The following GARRE1 variants were observed in gnomAD, a reference collection of about 807,000 sequenced individuals.
The protein encoded by GARRE1 is granule associated Rac and RHOG effector protein 1.
Under a neutral mutation model 103.2 loss-of-function variants are expected in GARRE1, and 49 were observed. That is an observed-to-expected ratio of 0.47 (90% CI 0.38 to 0.60). The LOEUF (loss-of-function observed/expected upper bound fraction) is 0.60, where lower values mean the gene tolerates loss of function less well. GARRE1 is among the 20% of genes least tolerant of loss of function. The probability of loss-of-function intolerance (pLI) is 0.00; values close to 1 mark genes in which losing one functional copy is unlikely to be tolerated. For synonymous variants in GARRE1, 505 were observed against 532.8 expected, an observed-to-expected ratio of 0.95 and a Z score of 0.72; for missense variants, 1,199 against 1,370.5, an observed-to-expected ratio of 0.87 and a Z score of 1.98.
rs188301432 is a variant in GARRE1 at position 34,313,962 on chromosome 19, G to A, written c.496-5945G>A. 9.9e-5 allele frequency among the ~76,000 whole-genome samples: 15 copies of A among 152,040 alleles called. No homozygotes were observed. In the East Asian group the frequency reaches 1.2e-3, roughly 12 times the overall value. On this transcript the variant is annotated intron_variant, in intron 2 of 13. Coordinates refer to ENST00000299505, the MANE Select transcript of GARRE1 (RefSeq NM_014686.5). ...ATCACAGGCATGCACCACCACGCCC[G>A]GCTGATTTTTGTATTTTTTGTAGAG...
Position 34,278,361 on chromosome 19 carries a change from T to A in GARRE1, c.-795-21318T>A, listed in dbSNP as rs2073830060. On this transcript the variant is annotated intron_variant, in intron 1 of 13. Coordinates refer to ENST00000299505, the MANE Select transcript of GARRE1 (RefSeq NM_014686.5). ...TGGGAGGCTGAGGCACGAGAATTGC[T>A]TGAACCCAGGAGGCAGAGGTTACAG... 2.0e-5 allele frequency among the ~76,000 whole-genome samples: 3 copies of A among 149,294 alleles called. No homozygotes were observed. In the South Asian group the frequency reaches 6.3e-4, roughly 31 times the overall value.
At chr19:34,273,791 AGT>A (rs1179275061) in intron 1 of GARRE1, among the ~76,000 whole-genome samples, 1 of 152,202 alleles carries the variant, frequency 6.6e-6, no homozygotes, top group African/African-American at 2.4e-5. Context: ...GAGGAATGAG[AGT>A]GAGCCAAGAG....
chr19:34,327,977 A>C lies in GARRE1; in HGVS notation c.943-13A>C. On this transcript the variant is annotated splice_polypyrimidine_tract_variant and intron_variant, in intron 5 of 13. Transcript: ENST00000299505. ...ATGGGTCACCTCTCCTCTTCCATCC[A>C]TGCCTTTTCCAGGGCTGCTGCAGCG... The C allele has an allele frequency of 6.2e-7, 1 of 1,614,126 alleles. No homozygotes were observed. Among genetic ancestry groups the C allele is most frequent in the Non-Finnish European group, 8.5e-7 (1 of 1,180,018 alleles).
intron 11 of GARRE1, chr19:34,348,717 T>G (rs540898414): frequency 2.3e-4 from 78 of 337,084 alleles, no homozygotes; most frequent in Non-Finnish European, 3.5e-4. Context: ...TCCCGTCACC[T>G]AGGTATTAAG....
intron 1 of GARRE1, among the ~76,000 whole-genome samples, chr19:34,271,305 G>A (rs1568524131): frequency 7.2e-6 from 1 of 138,676 alleles, no homozygotes; most frequent in African/African-American, 2.7e-5. Context: ...CTAGAGTGCT[G>A]TGGCGTGATC....
chr19:34,293,134 G>A (rs565296518), intron 1 of GARRE1, among the ~76,000 whole-genome samples: 1 of 152,218 alleles, frequency 6.6e-6, no homozygotes, highest in Non-Finnish European at 1.5e-5. Flanking sequence ...AAACTAAACA[G>A]TGAAGAGATT....
rs932564372 is a variant in GARRE1 at position 34,331,017 on chromosome 19, G to A, written c.1263+670G>A. 2.0e-5 allele frequency among the ~76,000 whole-genome samples: 3 copies of A among 150,218 alleles called. No homozygotes were observed. The Admixed American group carries it at 2.0e-4, about 10-fold the overall frequency. On this transcript the variant is annotated intron_variant, in intron 7 of 13. Coordinates refer to ENST00000299505, the MANE Select transcript of GARRE1 (RefSeq NM_014686.5). Reference sequence around the variant, plus strand: ...CGGGTTCAAATGATTCTCCTCCCTCGGCTTCCCGAGTAGCTGGGACTACAG... The same window carrying A: ...CGGGTTCAAATGATTCTCCTCCCTCAGCTTCCCGAGTAGCTGGGACTACAG...
At chr19:34,351,900 T>C (rs1485428644) in intron 13 of GARRE1, among the ~76,000 whole-genome samples, 1 of 151,658 alleles carries the variant, frequency 6.6e-6, no homozygotes, top group African/African-American at 2.4e-5. Context: ...CAGGAGTTCT[T>C]GACCAGCCCA....
rs2074038499 is a variant in GARRE1, at chr19:34,311,886, C to G, written c.496-8021C>G. 2.0e-5 allele frequency among the ~76,000 whole-genome samples: 3 copies of G among 152,230 alleles called. No homozygotes were observed. The South Asian group carries it at 6.2e-4, about 31-fold the overall frequency. ...CTGGCCTCCCAAAGTGCTGGGATTACAGGCATGAGCCACCACACCCGGCAA... is the reference window on the plus strand; with the variant it reads ...CTGGCCTCCCAAAGTGCTGGGATTAGAGGCATGAGCCACCACACCCGGCAA... On this transcript the variant is annotated intron_variant, in intron 2 of 13. Transcript: ENST00000299505.
At chr19:34,301,982 CTTTTT>C (rs35417822) in intron 2 of GARRE1, among the ~76,000 whole-genome samples, 10 of 50,028 alleles carry the variant, frequency 2.0e-4, no homozygotes, top group South Asian at 9.5e-4. Context: ...TGCGCCCAGC[CTTTTT>C]TTTTTTTTTT....
intron 10 of GARRE1, among the ~76,000 whole-genome samples, chr19:34,344,553 T>G (rs2074201601): frequency 7.1e-6 from 1 of 140,382 alleles, no homozygotes; most frequent in Non-Finnish European, 1.5e-5. Context: ...ATCCCGCCAC[T>G]GCACTCCAGC....
intron 1 of GARRE1, among the ~76,000 whole-genome samples, chr19:34,293,425 A>T (rs534725391): frequency 2.9e-3 from 435 of 149,054 alleles, no homozygotes; most frequent in Non-Finnish European, 5.1e-3. Flanking sequence ...TTAAAGACAG[A>T]TTCTCTGTTT....
At chr19:34,274,173 C>T (rs976731059) in intron 1 of GARRE1, among the ~76,000 whole-genome samples, 3 of 151,756 alleles carry the variant, frequency 2.0e-5, no homozygotes, top group East Asian at 1.9e-4. Flanking sequence ...TGGGAGGCCG[C>T]GGCGGGTGGA....
chr19:34,328,046 GCCCATGCAGTGTGAGCTC>G lies in GARRE1; in HGVS notation c.1004_1021del (p.Met335_Pro340del). 1 of 1,614,154 alleles carries G rather than the reference GCCCATGCAGTGTGAGCTC, an allele frequency of 6.2e-7. No homozygotes were observed. Among genetic ancestry groups the G allele is most frequent in the Non-Finnish European group, 8.5e-7 (1 of 1,180,032 alleles). On this transcript the variant is annotated inframe_deletion, in exon 6 of 14. Coordinates refer to ENST00000299505, the MANE Select transcript of GARRE1 (RefSeq NM_014686.5). ...CGGGGCGGAGGCAGACACCCCCGCA[GCCCATGCAGTGTGAGCTC>G]CCCACCGTCCCTGTGCAGATAGGAT... is the stretch of plus-strand genomic sequence containing the variant.
intron 7 of GARRE1, 58 bp from the exon 8 acceptor site, chr19:34,333,646 T>A: frequency 9.8e-7 from 1 of 1,020,054 alleles, no homozygotes; most frequent in Non-Finnish European, 1.5e-6. Context: ...TTATTCTGAT[T>A]TGTTTTCTCT....
At chr19:34,317,411 A>T (rs2074064852) in intron 2 of GARRE1, among the ~76,000 whole-genome samples, 1 of 152,204 alleles carries the variant, frequency 6.6e-6, no homozygotes, top group African/African-American at 2.4e-5. Flanking sequence ...CTAATGGAGC[A>T]TGGCGTCTTC....
At chr19:34,324,492 T>G (rs1220714597) in intron 3 of GARRE1, among the ~76,000 whole-genome samples, 2 of 150,754 alleles carry the variant, frequency 1.3e-5, no homozygotes, top group Non-Finnish European at 3.0e-5. Flanking sequence ...CAGAAAAATA[T>G]CACCAGTGCA....
At chr19:34,286,428 C>T (rs28759356) in intron 1 of GARRE1, among the ~76,000 whole-genome samples, 1,642 of 152,046 alleles carry the variant, frequency 0.011, 22 homozygotes, top group African/African-American at 0.037. Flanking sequence ...ACCGTGTTAG[C>T]CAGGATGGTC....
chr19:34,309,094 C>G (rs2074025270), intron 2 of GARRE1, among the ~76,000 whole-genome samples: 1 of 151,694 alleles, frequency 6.6e-6, no homozygotes, highest in Admixed American at 6.6e-5. Flanking sequence ...AAAAACAAAC[C>G]CTGAAATAAT....
Sources: allele counts gnomAD v4.1 joint callset (sites outside exome capture counted in the v4.1 genomes callset), GRCh38; gene constraint gnomAD v4.1.1; transcripts MANE v1.5; gene names NCBI Gene and HGNC (gene_info 2026-07-23, HGNC 2026-07-21).